FRMD3: variants seen among roughly 807,000 people sequenced by gnomAD.
FRMD3 encodes FERM domain containing 3.
Under a neutral mutation model 70.2 loss-of-function variants are expected in FRMD3, and 33 were observed. The observed-to-expected ratio is 0.47, with a 90% CI of 0.36 to 0.63. The LOEUF (loss-of-function observed/expected upper bound fraction) is 0.63. FRMD3 is among the 20% of genes least tolerant of loss of function. FRMD3 has a pLI of 0.00. For missense variants in FRMD3, 632 were observed against 711.4 expected, an observed-to-expected ratio of 0.89 and a Z score of 1.27; for synonymous variants, 279 against 255.9, an observed-to-expected ratio of 1.09 and a Z score of -0.86.
intron 1 of FRMD3, among the ~76,000 whole-genome samples, chr9:83,426,491 TGCAC>T (rs1826816076): frequency 6.6e-6 from 1 of 152,222 alleles, no homozygotes; most frequent in African/African-American, 2.4e-5. Context: ...GAGCAGGTGA[TGCAC>T]GCTCTGTGTC....
intron 13 of FRMD3, among the ~76,000 whole-genome samples, chr9:83,255,184 A>C (rs1428224037): frequency 6.6e-6 from 1 of 152,144 alleles, no homozygotes; most frequent in Non-Finnish European, 1.5e-5. Flanking sequence ...TATCCACCAC[A>C]GTCAAGTTGG....
In FRMD3 at chr9:83,278,910, T is replaced by G. The variant is rs749794406; in HGVS notation, c.1195+11693A>C. 7.5e-4 allele frequency among the ~76,000 whole-genome samples: 114 copies of G among 152,156 alleles called. 1 individual carries two copies. Among genetic ancestry groups the G allele is most frequent in the Non-Finnish European group, 2.4e-4 (16 of 68,022 alleles). ...ATCCAAAGGGCTGGGCTTGGGCTTC[T>G]CAGTTCCCTCCCCAGTAAGGGTACA... is the stretch of plus-strand genomic sequence containing the variant. On this transcript the variant is annotated intron_variant, in intron 13 of 13. Coordinates refer to ENST00000304195, the MANE Select transcript of FRMD3 (RefSeq NM_174938.6).
intron 13 of FRMD3, chr9:83,276,364 T>G (rs1047788459): frequency 6.6e-6 from 1 of 152,246 alleles, no homozygotes; most frequent in Non-Finnish European, 1.5e-5. Context: ...TTAAAGATAA[T>G]GCATTTTTCT....
At chr9:83,579,868 A>G in the FRMD3 span, among the ~76,000 whole-genome samples, 3 of 152,108 alleles carry the variant, frequency 2.0e-5, no homozygotes, top group Non-Finnish European at 2.9e-5. Flanking sequence ...CTATGCAACT[A>G]TATACCTGAT....
intron 1 of FRMD3, among the ~76,000 whole-genome samples, chr9:83,536,626 C>T (rs896258642): frequency 6.6e-6 from 1 of 152,102 alleles, no homozygotes; most frequent in Non-Finnish European, 1.5e-5. Context: ...TTAAGTTTAG[C>T]AGTGCTGCTT....
At chr9:83,400,810 C>T (rs189959386) in intron 1 of FRMD3, among the ~76,000 whole-genome samples, 2 of 152,290 alleles carry the variant, frequency 1.3e-5, no homozygotes, top group African/African-American at 4.8e-5. Flanking sequence ...ACCACAGTAG[C>T]TGAGACAAGA....
intron 1 of FRMD3, among the ~76,000 whole-genome samples, chr9:83,432,495 G>A (rs1012989950): frequency 3.3e-5 from 5 of 152,130 alleles, no homozygotes; most frequent in South Asian, 2.1e-4. Flanking sequence ...AGCAGTCCAC[G>A]CACATTCCAA....
At chr9:83,552,344 G>C in the FRMD3 span, among the ~76,000 whole-genome samples, 2 of 152,014 alleles carry the variant, frequency 1.3e-5, no homozygotes, top group Non-Finnish European at 2.9e-5. Context: ...AGTGTGTTTG[G>C]TATAATTTTG....
intron 1 of FRMD3, among the ~76,000 whole-genome samples, chr9:83,457,005 A>G (rs1445506589): frequency 6.6e-6 from 1 of 152,110 alleles, no homozygotes; most frequent in Non-Finnish European, 1.5e-5. Flanking sequence ...AAAACAACGC[A>G]AACTAAGAGA....
Position 83,336,509 on chromosome 9 carries a change from G to T in FRMD3, c.473-870C>A, listed in dbSNP as rs577522320. On this transcript the variant is annotated intron_variant, in intron 5 of 13. Coordinates refer to ENST00000304195, the MANE Select transcript of FRMD3 (RefSeq NM_174938.6). ...AGCTGCCTGCTCTGAGGCTTATGCA[G>T]GTGTGGCTTATTCATTGAAAAATCA... Among the ~76,000 whole-genome samples the T allele has an allele frequency of 2.0e-5, 3 of 150,994 alleles. No individual in the cohort carries two copies. In the South Asian group the frequency reaches 6.4e-4, roughly 32 times the overall value.
At chr9:83,476,889 T>C (rs1478034043) in intron 1 of FRMD3, among the ~76,000 whole-genome samples, 1 of 152,226 alleles carries the variant, frequency 6.6e-6, no homozygotes, top group Non-Finnish European at 1.5e-5. Context: ...GGTAATTTTT[T>C]GGTGAAATAA....
At position 83,311,985 on chromosome 9, in the gene FRMD3, A is replaced by G; in HGVS notation, c.685-10T>C. ...TTGTGCCTGTTGAATCCTGAAAAAA[A>G]AAAAAAAGAAAAAAGAAAAATCTGT... On this transcript the variant is annotated splice_polypyrimidine_tract_variant and intron_variant, in intron 7 of 13. Coordinates refer to ENST00000304195, the MANE Select transcript of FRMD3 (RefSeq NM_174938.6). 1.3e-6 allele frequency: 2 copies of G among 1,568,700 alleles called. No homozygotes were observed. Among genetic ancestry groups the G allele is most frequent in the Non-Finnish European group, 1.7e-6 (2 of 1,163,410 alleles).
In FRMD3 at chr9:83,246,893, T is replaced by C. The variant is rs1191876222; in HGVS notation, c.*1025A>G. On this transcript the variant is annotated 3_prime_UTR_variant, in exon 14 of 14. Transcript: ENST00000304195. ...ACTTTCATAAAATAGACCATTCGCC[T>C]GTCACCATTTGCCTGCCAGCCTCAC... 3.0e-6 allele frequency: 3 copies of C among 985,340 alleles called. No homozygotes were observed. The African/African-American group carries it at 5.2e-5, about 17-fold the overall frequency. The allele number at this position is 985,340 out of a possible 1,614,324, so 61.0% of individuals were successfully genotyped here.
chr9:83,511,718 A>T (rs750543356), intron 1 of FRMD3, among the ~76,000 whole-genome samples: 3 of 152,154 alleles, frequency 2.0e-5, no homozygotes, highest in Non-Finnish European at 2.9e-5. Flanking sequence ...CAATGCAGGG[A>T]AGCACGTCTG....
At chr9:83,426,069 G>T (rs7856827) in intron 1 of FRMD3, among the ~76,000 whole-genome samples, 19,121 of 152,006 alleles carry the variant, frequency 0.13, 1,407 homozygotes, top group South Asian at 0.29. Flanking sequence ...AGAATCTGGG[G>T]CTAATTTTAA....
chr9:83,507,708 A>C (rs1436276141), intron 1 of FRMD3, among the ~76,000 whole-genome samples: 3 of 88,638 alleles, frequency 3.4e-5, no homozygotes, highest in African/African-American at 5.6e-5. Flanking sequence ...ATATATATAT[A>C]TATATATATA....
chr9:83,568,950 A>AGATG, the FRMD3 span, among the ~76,000 whole-genome samples: 1 of 129,098 alleles, frequency 7.7e-6, no homozygotes, highest in African/African-American at 2.8e-5. Flanking sequence ...ATAGATAGAT[A>AGATG]GATAGATACA....
In FRMD3 at chr9:83,507,736, A is replaced by ATATATATCTATCTATC. The variant is rs1554713917; in HGVS notation, c.147+30348_147+30349insGATAGATAGATATATA. Reference sequence around the variant, plus strand: ...TATATATATATATATATATATATATATATCTTCTGGAATATTTCCTGAAGG... The same window carrying ATATATATCTATCTATC: ...TATATATATATATATATATATATATATATATATCTATCTATCTATCTTCTGGAATATTTCCTGAAGG... On this transcript the variant is annotated intron_variant, in intron 1 of 13. Coordinates refer to ENST00000304195, the MANE Select transcript of FRMD3 (RefSeq NM_174938.6). 4.5e-4 allele frequency among the ~76,000 whole-genome samples: 40 copies of ATATATATCTATCTATC among 88,694 alleles called. 2 individuals are homozygous for ATATATATCTATCTATC. Among genetic ancestry groups the ATATATATCTATCTATC allele is most frequent in the Non-Finnish European group, 6.2e-4 (26 of 42,242 alleles). 58.2% of individuals were successfully genotyped at this position (88,694 alleles called of 152,430 possible).
At chr9:83,491,047 T>C (rs748904357) in intron 1 of FRMD3, among the ~76,000 whole-genome samples, 13 of 152,190 alleles carry the variant, frequency 8.5e-5, no homozygotes, top group Non-Finnish European at 1.8e-4. Flanking sequence ...TATTAGCCTA[T>C]TGAAGTCTCT....
Sources: gnomAD v4.1 joint callset for allele counts (sites outside exome capture counted in the v4.1 genomes callset) on GRCh38, gnomAD v4.1.1 for gene constraint, MANE v1.5 for transcripts, NCBI Gene and HGNC (gene_info 2026-07-23, HGNC 2026-07-21) for gene names.